The following USP34 variants were observed in gnomAD, a reference collection of about 807,000 sequenced individuals.
USP34 encodes ubiquitin carboxyl-terminal hydrolase 34.
A neutral mutation model predicts 460.3 loss-of-function variants in USP34; 70 were observed. That is an observed-to-expected ratio of 0.15 (90% CI 0.13 to 0.19). The LOEUF (loss-of-function observed/expected upper bound fraction) is 0.19, where lower values mean the gene tolerates loss of function less well. USP34 is among the 10% of genes least tolerant of loss of function. The pLI, the probability that USP34 is intolerant of heterozygous loss-of-function variation, is 1.00. For missense variants in USP34, 3,985 were observed against 4,236.2 expected, an observed-to-expected ratio of 0.94 and a Z score of 1.65; for synonymous variants, 1,647 against 1,405.3, an observed-to-expected ratio of 1.17 and a Z score of -3.85.
chr2:61,400,019 A>C (rs1693664947), intron 3 of USP34, among the ~76,000 whole-genome samples: 1 of 151,938 alleles, frequency 6.6e-6, no homozygotes, highest in Non-Finnish European at 1.5e-5. Context: ...TTACTACATG[A>C]GTTGATCCCA....
chr2:61,448,365 T>C (rs1438897161), intron 1 of USP34, among the ~76,000 whole-genome samples: 1 of 151,928 alleles, frequency 6.6e-6, no homozygotes, highest in Non-Finnish European at 1.5e-5. Flanking sequence ...CCCAGGAGGA[T>C]CACCTTAGCT....
chr2:61,307,717 G>A (rs540864108), intron 27 of USP34, among the ~76,000 whole-genome samples: 5 of 152,172 alleles, frequency 3.3e-5, no homozygotes, highest in South Asian at 2.1e-4. Flanking sequence ...CCAGAAGACC[G>A]AGAGTACAAA....
At chr2:61,236,946 C>G (rs1688086919) in intron 53 of USP34, among the ~76,000 whole-genome samples, 1 of 152,138 alleles carries the variant, frequency 6.6e-6, no homozygotes, top group Admixed American at 6.5e-5. Flanking sequence ...ATTGATATTA[C>G]TAGCTGTTTT....
chr2:61,233,843 TAAA>T (rs11302574), intron 57 of USP34, among the ~76,000 whole-genome samples: 47 of 140,106 alleles, frequency 3.4e-4, no homozygotes, highest in East Asian at 6.1e-4. Flanking sequence ...ACTCTGGGGG[TAAA>T]AAAAAAAAAA....
chr2:61,294,952 G>A lies in USP34; in HGVS notation c.4458C>T (p.Cys1486=), dbSNP rs768246897. 3.1e-6 allele frequency: 5 copies of A among 1,609,944 alleles called. No homozygotes were observed. The highest frequency in any genetic ancestry group is 3.4e-6 in the Non-Finnish European group (4 of 1,178,028). Residue 1486 remains cysteine (C), a synonymous_variant, in exon 32 of 80, where the codon TGC becomes TGT. Transcript: ENST00000398571. Reference sequence around the variant, plus strand: ...TGAAAAACACATATGATCAAACCTTGCAACTCCAGGAATTTTTACTATTTT... The same window carrying A: ...TGAAAAACACATATGATCAAACCTTACAACTCCAGGAATTTTTACTATTTT... ...QVENSKNSWS[C]KFVAAGGLQQ...
chr2:61,333,862 TTTTTC>T lies in USP34; in HGVS notation c.2834+15_2834+19del, dbSNP rs1166482149. On this transcript the variant is annotated intron_variant, in intron 19 of 79. Coordinates refer to ENST00000398571, the MANE Select transcript of USP34 (RefSeq NM_014709.4). Reference sequence around the variant, plus strand: ...GAAAAAAATCTTTAAAATAAATACTTTTTTCTTTTATTTACTTACATTGTTATCCA... The same window carrying T: ...GAAAAAAATCTTTAAAATAAATACTTTTTTATTTACTTACATTGTTATCCA... The T allele has an allele frequency of 4.8e-6, 7 of 1,459,434 alleles. No individual in the cohort carries two copies. Among genetic ancestry groups the T allele is most frequent in the Non-Finnish European group, 5.5e-6 (6 of 1,089,888 alleles). 90.4% of individuals were successfully genotyped at this position (1,459,434 alleles called of 1,614,324 possible). A position where few individuals can be genotyped will look rare whatever the true frequency, so the allele number is the denominator to read the frequency against.
At chr2:61,267,714 T>C (rs1254563936) in intron 41 of USP34, among the ~76,000 whole-genome samples, 1 of 152,006 alleles carries the variant, frequency 6.6e-6, no homozygotes, top group Non-Finnish European at 1.5e-5. Flanking sequence ...CCCGGGTTCA[T>C]GCCATTCTCC....
chr2:61,261,929 CCT>C (rs1264479338), intron 43 of USP34, among the ~76,000 whole-genome samples: 2 of 151,126 alleles, frequency 1.3e-5, no homozygotes, highest in Non-Finnish European at 2.9e-5. Flanking sequence ...ATGGTTAAAC[CCT>C]GTCTCTGCTA....
chr2:61,310,369 G>C (rs763123421), intron 27 of USP34, among the ~76,000 whole-genome samples: 2 of 152,012 alleles, frequency 1.3e-5, no homozygotes, highest in African/African-American at 2.4e-5. Flanking sequence ...CAAGAAAAAT[G>C]AATCAAGTTA....
At chr2:61,394,711 G>C in intron 5 of USP34, 142 bp downstream of exon 5, 1 of 538,750 alleles carries the variant, frequency 1.9e-6, no homozygotes, top group Non-Finnish European at 3.0e-6. Context: ...TCGTTAAAAC[G>C]TTTCTGTACT....
chr2:61,193,121 A>G, intron 75 of USP34, 141 bp from the exon 76 acceptor site: 1 of 632,746 alleles, frequency 1.6e-6, no homozygotes, highest in South Asian at 2.3e-5. Flanking sequence ...AAGGGGAAAA[A>G]TTCATTCCAA....
chr2:61,439,724 C>G (rs1264304892), intron 1 of USP34, among the ~76,000 whole-genome samples: 1 of 152,204 alleles, frequency 6.6e-6, no homozygotes, highest in Admixed American at 6.5e-5. Flanking sequence ...TGACCTGTGA[C>G]CCTTGCCTGT....
chr2:61,227,098 C>A lies in USP34; in HGVS notation c.7564G>T (p.Ala2522Ser), dbSNP rs1371775903. ...GATCGAGACTGTTCAACCAAAAGAG[C>A]AACTAAAGCTATCATCTTTTCAAGG... Reference protein sequence around the residue: ...AALEKMIALVALLVEQSRSER... With the variant: ...AALEKMIALVSLLVEQSRSER... The change falls in exon 62 of 80, where the codon GCT (alanine) becomes TCT (serine). Residue 2522 changes from alanine to serine, a missense_variant. By Grantham distance (99) the Ala-to-Ser change is moderately conservative. Around this residue, in one of 14 missense-constraint regions of USP34, gnomAD observed 604 missense variants for 684.8 expected, o/e 0.88. Coordinates refer to ENST00000398571, the MANE Select transcript of USP34 (RefSeq NM_014709.4). 1 of 1,612,454 alleles carries A rather than the reference C, an allele frequency of 6.2e-7. No homozygotes were observed. The highest frequency in any genetic ancestry group is 8.5e-7 in the Non-Finnish European group (1 of 1,179,706).
At position 61,293,520 on chromosome 2, in the gene USP34, A is replaced by T; in HGVS notation, c.4492T>A (p.Leu1498Ile). The T allele has an allele frequency of 1.2e-6, 2 of 1,613,004 alleles. No homozygotes were observed. Among genetic ancestry groups the T allele is most frequent in the Non-Finnish European group, 1.7e-6 (2 of 1,179,368 alleles). Reference protein sequence around the residue: ...FVAAGGLQQLLEIFNSGILEP... With the variant: ...FVAAGGLQQLIEIFNSGILEP... ...AGAATTCCAGAATTAAAAATTTCTA[A>T]TAACTGTTGAAGCCCTCCAGCAGCA... Residue 1498 changes from leucine to isoleucine, a missense_variant, in exon 33 of 80, where the codon TTA (leucine) becomes ATA (isoleucine). Around this residue, in one of 14 missense-constraint regions of USP34, gnomAD observed 1,114 missense variants for 1,122.5 expected, o/e 0.99. Transcript: ENST00000398571.
At chr2:61,254,000 A>G (rs1296322389) in intron 48 of USP34, among the ~76,000 whole-genome samples, 2 of 152,052 alleles carry the variant, frequency 1.3e-5, no homozygotes, top group African/African-American at 4.8e-5. Context: ...CTCCCAAAGT[A>G]CTGGGATTAC....
At chr2:61,202,408 C>A (rs1209028617) in intron 75 of USP34, among the ~76,000 whole-genome samples, 1 of 152,114 alleles carries the variant, frequency 6.6e-6, no homozygotes, top group Non-Finnish European at 1.5e-5. Context: ...AGGGAGGACA[C>A]AGACGCCTAG....
At chr2:61,196,044 C>G (rs909232895) in intron 75 of USP34, among the ~76,000 whole-genome samples, 2 of 138,446 alleles carry the variant, frequency 1.4e-5, no homozygotes, top group Non-Finnish European at 3.1e-5. Flanking sequence ...GTAGCTGGGA[C>G]TACAGGTATG....
chr2:61,346,502 G>C (rs1691771604), intron 15 of USP34, among the ~76,000 whole-genome samples: 1 of 129,118 alleles, frequency 7.7e-6, no homozygotes, highest in South Asian at 2.6e-4. Context: ...CTACAGCCTA[G>C]GTGACAAAGT....
intron 61 of USP34, among the ~76,000 whole-genome samples, chr2:61,228,257 A>C (rs950582229): frequency 1.3e-5 from 2 of 152,350 alleles, no homozygotes; most frequent in Admixed American, 1.3e-4. Context: ...CTGATGTAAT[A>C]CTTTAATATT....
Sources: gnomAD v4.1 joint callset for allele counts (sites outside exome capture counted in the v4.1 genomes callset) on GRCh38, gnomAD v4.1.1 for gene constraint, gnomAD v4.1.1 regional missense constraint, MANE v1.5 for transcripts, NCBI Gene and HGNC (gene_info 2026-07-23, HGNC 2026-07-21) for gene names.